Variants in LARGE1 observed in about 807,000 individuals in gnomAD.
LARGE1 encodes the protein LARGE xylosyl- and glucuronyltransferase 1.
Under a neutral mutation model 87.6 loss-of-function variants are expected in LARGE1, and 43 were observed. The observed-to-expected ratio is 0.49, with a 90% CI of 0.38 to 0.63. The LOEUF (loss-of-function observed/expected upper bound fraction) is 0.63, where lower values mean the gene tolerates loss of function less well. Ranked by LOEUF, LARGE1 falls within the 30% of genes least tolerant of loss-of-function variation. The pLI is 0.00. For missense variants in LARGE1, 802 were observed against 1,000.2 expected (o/e 0.80, Z 2.67); for synonymous variants, 434 against 394.6 (o/e 1.10, Z -1.18).
intron 5 of LARGE1, among the ~76,000 whole-genome samples, chr22:33,570,056 C>T (rs73413173): frequency 0.012 from 1,797 of 152,268 alleles, 41 homozygotes; most frequent in African/African-American, 0.041. Flanking sequence ...AGCCCTGAAG[C>T]CTGGGCTATA....
rs1265034210 is a variant in LARGE1 at position 33,541,051 on chromosome 22, TTGCGGGGGGGGGGG to T, written c.787+23783_787+23796del. 5.9e-4 allele frequency among the ~76,000 whole-genome samples: 8 copies of T among 13,480 alleles called. No individual in the cohort carries two copies. In the South Asian group the frequency reaches 0.024, roughly 40 times the overall value. 8.8% of individuals were successfully genotyped at this position (13,480 alleles called of 152,430 possible). ...TACTCATGGTGGCTGGGGTGGTGGG[TTGCGGGGGGGGGGG>T]GGCGGGGGGCGGGTTGCAGGGGGAG... On this transcript the variant is annotated intron_variant, in intron 6 of 14. Transcript: ENST00000397394.
intron 4 of LARGE1, among the ~76,000 whole-genome samples, chr22:33,612,163 G>A (rs1268090347): frequency 6.6e-6 from 1 of 151,924 alleles, no homozygotes; most frequent in Admixed American, 6.6e-5. Flanking sequence ...GAGTGCAGTG[G>A]CATGGTCTTG....
chr22:33,879,285 C>A (rs2064590423), intron 1 of LARGE1, among the ~76,000 whole-genome samples: 2 of 152,148 alleles, frequency 1.3e-5, no homozygotes, highest in Admixed American at 1.3e-4. Context: ...ATATACAGCA[C>A]ATCAAAGAAC....
At chr22:33,339,589 G>C (rs1205479006) in intron 9 of LARGE1, among the ~76,000 whole-genome samples, 1 of 152,026 alleles carries the variant, frequency 6.6e-6, no homozygotes, top group Non-Finnish European at 1.5e-5. Context: ...TTAAGAGTCC[G>C]CTGTAACTTC....
chr22:33,646,007 T>C (rs906195799), intron 3 of LARGE1, among the ~76,000 whole-genome samples: 9 of 152,168 alleles, frequency 5.9e-5, no homozygotes, highest in Admixed American at 2.6e-4. Context: ...TGTAAATAAG[T>C]TCAATCATTG....
chr22:33,514,282 C>CCACACA lies in LARGE1; in HGVS notation c.787+50560_787+50565dup, dbSNP rs60301225. Among the ~76,000 whole-genome samples, 390 of 147,940 alleles carry CCACACA rather than the reference C, an allele frequency of 2.6e-3. 2 individuals carry two copies. Among genetic ancestry groups the CCACACA allele is most frequent in the African/African-American group, 8.3e-3 (338 of 40,534 alleles). On this transcript the variant is annotated intron_variant, in intron 6 of 14. Coordinates refer to ENST00000397394, the MANE Select transcript of LARGE1 (RefSeq NM_133642.5). ...TTTCAGTCGGCTAGTCTATGTGTGTCCACACACACACACACACACACACGA... is the reference window on the plus strand; with the variant it reads ...TTTCAGTCGGCTAGTCTATGTGTGTCCACACACACACACACACACACACACACACGA...
intron 5 of LARGE1, among the ~76,000 whole-genome samples, chr22:33,593,082 G>C (rs71313166): frequency 6.6e-6 from 1 of 152,034 alleles, no homozygotes; most frequent in Admixed American, 6.5e-5. Flanking sequence ...CTTGTGATCC[G>C]CCCACCTCGG....
At chr22:33,316,027 A>G (rs902965935) in intron 11 of LARGE1, 58 bp downstream of exon 11, 91 of 1,578,600 alleles carry the variant, frequency 5.8e-5, no homozygotes, top group Admixed American at 1.9e-4. Context: ...TCCATTCTCT[A>G]TCCTCCATGT....
At chr22:33,490,506 C>T (rs573160283) in intron 6 of LARGE1, among the ~76,000 whole-genome samples, 17 of 152,304 alleles carry the variant, frequency 1.1e-4, no homozygotes, top group African/African-American at 4.1e-4. Context: ...ACTACTATTA[C>T]TACTCTAAAT....
At chr22:33,102,163 CTT>C in the LARGE1 span, among the ~76,000 whole-genome samples, 16 of 144,728 alleles carry the variant, frequency 1.1e-4, no homozygotes, top group African/African-American at 2.3e-4. Context: ...GTCCCTTTGT[CTT>C]TTTTTTTTTC....
intron 1 of LARGE1, among the ~76,000 whole-genome samples, chr22:33,823,833 T>C (rs2062705884): frequency 6.6e-6 from 1 of 152,176 alleles, no homozygotes; most frequent in South Asian, 2.1e-4. Flanking sequence ...CATTCCTCCA[T>C]GCTGTCCTGT....
chr22:33,152,784 G>T, the LARGE1 span, among the ~76,000 whole-genome samples: 1 of 152,024 alleles, frequency 6.6e-6, no homozygotes, highest in African/African-American at 2.4e-5. Flanking sequence ...ATATAAATAT[G>T]GCTTTCATAT....
chr22:33,149,623 A>G, the LARGE1 span, among the ~76,000 whole-genome samples: 1 of 152,206 alleles, frequency 6.6e-6, no homozygotes, highest in South Asian at 2.1e-4. Context: ...AAAAGTCCTG[A>G]TGAGTTTAAT....
intron 9 of LARGE1, among the ~76,000 whole-genome samples, chr22:33,368,373 A>G (rs1267126554): frequency 1.3e-5 from 2 of 152,074 alleles, no homozygotes; most frequent in Non-Finnish European, 2.9e-5. Flanking sequence ...ATCTCTACCA[A>G]AAATGCAAAA....
chr22:33,258,646 A>C (rs745695833), intron 11 of LARGE1, among the ~76,000 whole-genome samples: 30 of 152,342 alleles, frequency 2.0e-4, no homozygotes, highest in Non-Finnish European at 4.3e-4. Flanking sequence ...CTGATATCCC[A>C]ATATCTTGAG....
exon 12 of LARGE1, chr22:33,166,733 C>A (rs1195367822): frequency 2.1e-6 from 1 of 471,208 alleles, no homozygotes; most frequent in Non-Finnish European, 4.4e-6. Flanking sequence ...GTACCCAAGT[C>A]CTCGAGAAGG....
intron 1 of LARGE1, among the ~76,000 whole-genome samples, chr22:33,856,016 C>T (rs1223206614): frequency 6.6e-6 from 1 of 152,198 alleles, no homozygotes; most frequent in Non-Finnish European, 1.5e-5. Flanking sequence ...CTCTGTGCTG[C>T]TTACTGGAGG....
intron 5 of LARGE1, among the ~76,000 whole-genome samples, chr22:33,594,877 T>G (rs950449918): frequency 7.2e-5 from 11 of 152,124 alleles, no homozygotes; most frequent in Non-Finnish European, 1.0e-4. Flanking sequence ...AAAGTGCTGG[T>G]ATTACAGGCT....
At chr22:33,662,009 C>A (rs938991578) in intron 2 of LARGE1, among the ~76,000 whole-genome samples, 5 of 140,280 alleles carry the variant, frequency 3.6e-5, no homozygotes, top group Non-Finnish European at 7.6e-5. Flanking sequence ...TTCCCTGGGC[C>A]ACACTGGAAG....
Sources: allele counts gnomAD v4.1 joint callset (sites outside exome capture counted in the v4.1 genomes callset), GRCh38; gene constraint gnomAD v4.1.1; transcripts MANE v1.5; gene names NCBI Gene and HGNC (gene_info 2026-07-23, HGNC 2026-07-21).